The following PIEZO2 variants were observed in gnomAD, a reference collection of about 807,000 sequenced individuals.
The protein encoded by PIEZO2 is piezo-type mechanosensitive ion channel component 2.
In PIEZO2, 172 loss-of-function variants were observed where a neutral mutation model predicts 337.3. The ratio of observed to expected loss-of-function variants is 0.51; its 90% CI spans 0.45 to 0.58. PIEZO2 has a LOEUF of 0.58. Ranked by LOEUF, PIEZO2 falls within the 20% of genes least tolerant of loss-of-function variation. The pLI is 0.00. For synonymous variants in PIEZO2, 1,251 were observed against 1,228.5 expected (o/e 1.02, Z -0.38); for missense variants, 3,028 against 3,391.3 (o/e 0.89, Z 2.66).
intron 48 of PIEZO2, 81 bp from the exon 49 acceptor site, chr18:10,689,883 C>T (rs1048902522): frequency 1.3e-6 from 2 of 1,487,172 alleles, no homozygotes; most frequent in African/African-American, 2.8e-5. Flanking sequence ...CAAGCAGTTC[C>T]TTAACTGCTT....
chr18:10,719,572 T>A (rs2036168748), intron 36 of PIEZO2, among the ~76,000 whole-genome samples: 1 of 152,236 alleles, frequency 6.6e-6, no homozygotes, highest in South Asian at 2.1e-4. Flanking sequence ...TACATATATA[T>A]CATTTTATTT....
chr18:10,866,994 G>C (rs1418357251), intron 5 of PIEZO2, among the ~76,000 whole-genome samples: 2 of 152,132 alleles, frequency 1.3e-5, no homozygotes, highest in Non-Finnish European at 1.5e-5. Context: ...ACCAGCAAAG[G>C]GAGTCGCCCA....
chr18:10,721,181 G>A (rs1050395755), intron 36 of PIEZO2, among the ~76,000 whole-genome samples: 8 of 152,132 alleles, frequency 5.3e-5, no homozygotes, highest in African/African-American at 9.7e-5. Flanking sequence ...TGTGACCTCC[G>A]GCAAGTTGCT....
At position 10,943,725 on chromosome 18, in the gene PIEZO2, T is replaced by C. The variant is rs1598728701; in HGVS notation, c.287-32497A>G. Reference sequence around the variant, plus strand: ...GGAAGGCATGATTGGTTTTGAAATGTGAAGATATGAGATTTGGGAGGGGCC... The same window carrying C: ...GGAAGGCATGATTGGTTTTGAAATGCGAAGATATGAGATTTGGGAGGGGCC... On this transcript the variant is annotated intron_variant, in intron 3 of 55. Transcript: ENST00000674853. This position sits in a 1 kb window ranked among gnomAD's most constrained non-coding sequence, Gnocchi z 4.5. 6.6e-6 allele frequency among the ~76,000 whole-genome samples: 1 copy of C among 152,088 alleles called. No homozygotes were observed. Among genetic ancestry groups the C allele is most frequent in the Admixed American group, 6.5e-5 (1 of 15,268 alleles).
Position 10,979,630 on chromosome 18 carries a change from C to A in PIEZO2, c.191G>T (p.Cys64Phe). ...CAACAGGAAGGAAAGACTGATGAAG[C>A]ACAGAGACTTTAATAACCGTCCCGT... Reference protein sequence around the residue: ...GHTGRLLKSLCFISLSFLLLH... With the variant: ...GHTGRLLKSLFFISLSFLLLH... Residue 64 changes from cysteine to phenylalanine, a missense_variant, in exon 3 of 56, where the codon TGC becomes TTC. By Grantham distance (205) the Cys-to-Phe change is radical. Around this residue, in one of 5 missense-constraint regions of PIEZO2, gnomAD observed 542 missense variants for 605.6 expected, o/e 0.89. Transcript: ENST00000674853. The surrounding 1 kb of genome is among the most constrained non-coding windows in gnomAD (Gnocchi z 4.0). 1 of 1,535,504 alleles carries A rather than the reference C, an allele frequency of 6.5e-7. No individual in the cohort carries two copies. The highest frequency in any genetic ancestry group is 8.7e-7 in the Non-Finnish European group (1 of 1,145,658).
intron 1 of PIEZO2, among the ~76,000 whole-genome samples, chr18:11,144,052 C>T (rs2040744292): frequency 6.6e-6 from 1 of 152,206 alleles, no homozygotes; most frequent in Non-Finnish European, 1.5e-5. Context: ...ATGAGAGTCT[C>T]TTAAACTGCC....
At chr18:11,054,936 G>T (rs1053992458) in intron 2 of PIEZO2, among the ~76,000 whole-genome samples, 2 of 152,144 alleles carry the variant, frequency 1.3e-5, no homozygotes, top group African/African-American at 4.8e-5. Context: ...GGGCAGCCAG[G>T]CACGGTGGCT....
rs777969375 is a variant in PIEZO2 at position 10,691,397 on chromosome 18, G to A, written c.7191-14C>T. ...TGGCTGAATTTCCTAAAATGTAAAA[G>A]TACAGAAAGTGAAGCAATGAAATAC... On this transcript the variant is annotated splice_polypyrimidine_tract_variant and intron_variant, in intron 47 of 55. Transcript: ENST00000674853. 1.2e-6 allele frequency: 2 copies of A among 1,608,564 alleles called. No individual in the cohort carries two copies. The highest frequency in any genetic ancestry group is 3.4e-5 in the Admixed American group (2 of 59,338).
At chr18:10,737,988 C>T (rs1180120897) in intron 33 of PIEZO2, 1 of 152,154 alleles carries the variant, frequency 6.6e-6, no homozygotes, top group Non-Finnish European at 1.5e-5. Context: ...AAATCTGAAG[C>T]CTCCATTCAT....
intron 36 of PIEZO2, among the ~76,000 whole-genome samples, chr18:10,728,848 G>A (rs759743564): frequency 1.3e-5 from 2 of 151,620 alleles, no homozygotes; most frequent in Non-Finnish European, 2.9e-5. Flanking sequence ...CCAGCTACGT[G>A]GGAGGCTGAG....
intron 47 of PIEZO2, among the ~76,000 whole-genome samples, chr18:10,693,528 T>C (rs1368208364): frequency 7.3e-5 from 10 of 136,494 alleles, no homozygotes. Context: ...CGACACCACA[T>C]AAGGCATTTT....
intron 21 of PIEZO2, among the ~76,000 whole-genome samples, chr18:10,768,018 C>T (rs570558951): frequency 6.6e-6 from 1 of 152,186 alleles, no homozygotes; most frequent in South Asian, 2.1e-4. Flanking sequence ...GAGCTCCAGC[C>T]CAGGAAAGAA....
chr18:11,136,416 T>C (rs1199496828), intron 1 of PIEZO2, among the ~76,000 whole-genome samples: 4 of 152,258 alleles, frequency 2.6e-5, no homozygotes, highest in Non-Finnish European at 5.9e-5. Context: ...CCTTGTAATC[T>C]GACCTTTCAT....
rs2032792394 is a variant in PIEZO2 at position 10,942,708 on chromosome 18, T to C, written c.287-31480A>G. Among the ~76,000 whole-genome samples, 1 of 152,188 alleles carries C rather than the reference T, an allele frequency of 6.6e-6. No individual in the cohort carries two copies. The highest frequency in any genetic ancestry group is 1.5e-5 in the Non-Finnish European group (1 of 68,024). On this transcript the variant is annotated intron_variant, in intron 3 of 55. Transcript: ENST00000674853. This position sits in a 1 kb window ranked among gnomAD's most constrained non-coding sequence, Gnocchi z 4.4. Reference sequence around the variant, plus strand: ...GAAAATCAAGCCACCTGCAGAAATTTGCATAAGTAATGAAGAGCCAAATAT... The same window carrying C: ...GAAAATCAAGCCACCTGCAGAAATTCGCATAAGTAATGAAGAGCCAAATAT...
intron 1 of PIEZO2, among the ~76,000 whole-genome samples, chr18:11,138,816 G>A (rs1383466031): frequency 6.6e-6 from 1 of 152,192 alleles, no homozygotes; most frequent in East Asian, 1.9e-4. Flanking sequence ...AGAATTAAAG[G>A]AGAAAAGATG....
At chr18:10,836,938 T>C (rs2041033124) in intron 7 of PIEZO2, among the ~76,000 whole-genome samples, 1 of 152,212 alleles carries the variant, frequency 6.6e-6, no homozygotes, top group South Asian at 2.1e-4. Context: ...GAAAAATGTA[T>C]TTATTTCATC....
chr18:10,760,381 T>C (rs998166025), intron 24 of PIEZO2, among the ~76,000 whole-genome samples: 2 of 152,214 alleles, frequency 1.3e-5, no homozygotes, highest in South Asian at 2.1e-4. Context: ...CTTGGCTCAC[T>C]GCAACCTCTG....
rs1243372461 is a variant in PIEZO2 at position 11,143,639 on chromosome 18, ACT to A, written c.64+4884_64+4885del. Among the ~76,000 whole-genome samples the A allele has an allele frequency of 5.7e-3, 529 of 92,806 alleles. 2 individuals are homozygous for A. The highest frequency in any genetic ancestry group is 0.021 in the South Asian group (52 of 2,506). The allele number at this position is 92,806 out of a possible 152,430, so 60.9% of individuals were successfully genotyped here. A position where few individuals can be genotyped will look rare whatever the true frequency, so the allele number is the denominator to read the frequency against. On this transcript the variant is annotated intron_variant, in intron 1 of 55. Coordinates refer to ENST00000674853, the MANE Select transcript of PIEZO2 (RefSeq NM_001378183.1). This position sits in a 1 kb window ranked among gnomAD's most constrained non-coding sequence, Gnocchi z 4.9. ...CACACACACACACACACACACACAC[ACT>A]CTCTCTCTCTCTCTCTCTCTCTCTC...
Position 10,682,582 on chromosome 18 carries a change from C to T in PIEZO2, c.7498-290G>A, listed in dbSNP as rs1176143033. Among the ~76,000 whole-genome samples, 1 of 152,146 alleles carries T rather than the reference C, an allele frequency of 6.6e-6. No homozygotes were observed. Among genetic ancestry groups the T allele is most frequent in the African/African-American group, 2.4e-5 (1 of 41,420 alleles). On this transcript the variant is annotated intron_variant, in intron 49 of 55. Transcript: ENST00000674853. This position sits in a 1 kb window ranked among gnomAD's most constrained non-coding sequence, Gnocchi z 5.6. ...CCTTCAAGACTGTGGGTGGGTTTTC[C>T]TGGTGATGAACTCCTGGACCAAGGG...
Sources: allele counts gnomAD v4.1 joint callset (sites outside exome capture counted in the v4.1 genomes callset), GRCh38; gene constraint gnomAD v4.1.1; regional missense constraint gnomAD v4.1.1; non-coding constraint Gnocchi (gnomAD v3.1); transcripts MANE v1.5; gene names NCBI Gene and HGNC (gene_info 2026-07-23, HGNC 2026-07-21).